NRXN1: variants seen among roughly 807,000 people sequenced by gnomAD.
NRXN1 encodes neurexin 1, also known as neurexin-1.
NRXN1 carries 39 observed loss-of-function variants against 150.9 expected under a neutral mutation model. That is an observed-to-expected ratio of 0.26 (90% CI 0.20 to 0.34). NRXN1 has a LOEUF of 0.34. Ranked by LOEUF, NRXN1 falls within the 10% of genes least tolerant of loss-of-function variation. The pLI is 1.00. For missense variants in NRXN1, 1,815 were observed against 1,949.9 expected (o/e 0.93, Z 1.30); for synonymous variants, 924 against 757.0 (o/e 1.22, Z -3.62).
At chr2:50,551,690 C>G (rs1006713932) in intron 9 of NRXN1, among the ~76,000 whole-genome samples, 1 of 151,988 alleles carries the variant, frequency 6.6e-6, no homozygotes, top group Non-Finnish European at 1.5e-5. Flanking sequence ...AGCATGGGAG[C>G]CCGGGGTGAA....
chr2:50,374,084 A>G lies in NRXN1; in HGVS notation c.3364+91358T>C, dbSNP rs563233497. Among the ~76,000 whole-genome samples the G allele has an allele frequency of 3.1e-5, 3 of 96,608 alleles. No homozygotes were observed. In the East Asian group the frequency reaches 3.9e-3, roughly 125 times the overall value. The allele number at this position is 96,608 out of a possible 152,430, so 63.4% of individuals were successfully genotyped here. A position where few individuals can be genotyped will look rare whatever the true frequency, so the allele number is the denominator to read the frequency against. On this transcript the variant is annotated intron_variant, in intron 17 of 22. Coordinates refer to ENST00000401669, the MANE Select transcript of NRXN1 (RefSeq NM_001330078.2). ...AGGCCGAGGTGGGGAGGATCACTTC[A>G]TCTCAGGACTAGCCTGGGCAATATA...
At chr2:50,327,357 CAG>C (rs2076453182) in intron 17 of NRXN1, among the ~76,000 whole-genome samples, 1 of 152,108 alleles carries the variant, frequency 6.6e-6, no homozygotes, top group Non-Finnish European at 1.5e-5. Context: ...TGATAGTTAT[CAG>C]AATAGCAGCT....
At chr2:50,642,605 T>C (rs1015938733) in intron 5 of NRXN1, among the ~76,000 whole-genome samples, 5 of 152,032 alleles carry the variant, frequency 3.3e-5, no homozygotes, top group African/African-American at 1.2e-4. Context: ...AGAATATCCA[T>C]CTTAAAGTGA....
At chr2:50,697,956 C>G (rs1177943010) in intron 5 of NRXN1, among the ~76,000 whole-genome samples, 1 of 152,158 alleles carries the variant, frequency 6.6e-6, no homozygotes, top group Non-Finnish European at 1.5e-5. Context: ...TGCCTTGAGC[C>G]AATTTCGTTA....
At chr2:50,160,017 T>G (rs984021719) in intron 18 of NRXN1, among the ~76,000 whole-genome samples, 1 of 152,142 alleles carries the variant, frequency 6.6e-6, no homozygotes. Context: ...AAATATGATA[T>G]GTGAGGAAGT....
intron 18 of NRXN1, among the ~76,000 whole-genome samples, chr2:50,097,368 C>T (rs187040764): frequency 1.3e-5 from 2 of 152,278 alleles, no homozygotes; most frequent in Admixed American, 6.5e-5. Flanking sequence ...TCTTTAAATG[C>T]TCTCTCTATG....
At chr2:50,859,773 T>C (rs1268491919) in intron 5 of NRXN1, among the ~76,000 whole-genome samples, 1 of 151,704 alleles carries the variant, frequency 6.6e-6, no homozygotes, top group Admixed American at 6.6e-5. Flanking sequence ...ATTATAAATA[T>C]AAATATATAC....
chr2:50,582,845 T>C (rs1010166439), intron 8 of NRXN1, among the ~76,000 whole-genome samples: 8 of 152,216 alleles, frequency 5.3e-5, no homozygotes, highest in Middle Eastern at 3.4e-3. Flanking sequence ...ACCCCCGCAA[T>C]AGCTATCAGA....
intron 19 of NRXN1, among the ~76,000 whole-genome samples, chr2:50,060,046 C>T (rs992564543): frequency 6.6e-6 from 1 of 152,174 alleles, no homozygotes; most frequent in Non-Finnish European, 1.5e-5. Flanking sequence ...CCACTGTCCT[C>T]CAGACACCAG....
chr2:51,005,773 A>G (rs1700635145), intron 2 of NRXN1, among the ~76,000 whole-genome samples: 1 of 151,946 alleles, frequency 6.6e-6, no homozygotes, highest in Admixed American at 6.6e-5. Context: ...TACAGGAATA[A>G]ATCTCCACCT....
At chr2:50,391,484 G>T (rs902102272) in intron 17 of NRXN1, among the ~76,000 whole-genome samples, 13 of 152,046 alleles carry the variant, frequency 8.6e-5, no homozygotes, top group African/African-American at 3.1e-4. Context: ...CATTACATTT[G>T]AAATACAATA....
At chr2:50,843,017 G>A (rs552870992) in intron 5 of NRXN1, among the ~76,000 whole-genome samples, 1 of 152,268 alleles carries the variant, frequency 6.6e-6, no homozygotes, top group African/African-American at 2.4e-5. Context: ...ATGTCTGTGG[G>A]TAGTAAAGAA....
At chr2:51,025,338 C>G (rs912583948) in intron 2 of NRXN1, among the ~76,000 whole-genome samples, 5 of 152,158 alleles carry the variant, frequency 3.3e-5, no homozygotes, top group Admixed American at 2.6e-4. Context: ...ATAGAAAGAG[C>G]TATCCATTTG....
intron 17 of NRXN1, among the ~76,000 whole-genome samples, chr2:50,251,102 T>C (rs547879814): frequency 4.0e-5 from 6 of 151,810 alleles, no homozygotes; most frequent in African/African-American, 1.5e-4. Context: ...TGTAATACAA[T>C]ATGTAATAGA....
intron 5 of NRXN1, among the ~76,000 whole-genome samples, chr2:50,889,392 A>T (rs1312871645): frequency 6.6e-6 from 1 of 151,656 alleles, no homozygotes; most frequent in Non-Finnish European, 1.5e-5. Flanking sequence ...CTCCCACTCT[A>T]CTTGTCAATG....
At chr2:50,833,904 T>A (rs1671744816) in intron 5 of NRXN1, among the ~76,000 whole-genome samples, 1 of 152,162 alleles carries the variant, frequency 6.6e-6, no homozygotes, top group African/African-American at 2.4e-5. Context: ...TCTAAGAGTA[T>A]CTAAAAATTC....
intron 21 of NRXN1, chr2:49,945,046 G>C (rs973356513): frequency 6.6e-6 from 1 of 152,126 alleles, no homozygotes; most frequent in Non-Finnish European, 1.5e-5. Flanking sequence ...CAAGTGCAGA[G>C]TCTTTAAGAA....
chr2:50,568,718 C>G (rs1437136154), intron 8 of NRXN1, among the ~76,000 whole-genome samples: 1 of 152,042 alleles, frequency 6.6e-6, no homozygotes. Context: ...ACAACCACTA[C>G]AGAGAACAGT....
At chr2:50,004,533 TC>T (rs1684456979) in intron 21 of NRXN1, among the ~76,000 whole-genome samples, 1 of 152,172 alleles carries the variant, frequency 6.6e-6, no homozygotes, top group African/African-American at 2.4e-5. Context: ...ATATTCAGCC[TC>T]ATGGTTGCAA....
Sources: allele counts gnomAD v4.1 joint callset (sites outside exome capture counted in the v4.1 genomes callset), GRCh38; gene constraint gnomAD v4.1.1; transcripts MANE v1.5; gene names NCBI Gene and HGNC (gene_info 2026-07-23, HGNC 2026-07-21).